RIT1: variants seen among roughly 807,000 people sequenced by gnomAD.
The protein encoded by RIT1 is Ras like without CAAX 1.
In RIT1, 6 loss-of-function variants were observed where a neutral mutation model predicts 25.6. The observed-to-expected ratio is 0.23, with a 90% CI of 0.13 to 0.46. RIT1 has a LOEUF of 0.46. Among genes scored for constraint, RIT1 ranks in the 20% least tolerant of loss-of-function variants. RIT1 has a pLI of 0.99. For synonymous variants in RIT1, 81 were observed against 94.1 expected, an observed-to-expected ratio of 0.86 and a Z score of 0.80; for missense variants, 219 against 284.4, an observed-to-expected ratio of 0.77 and a Z score of 1.65.
chr1:155,899,171 A>C lies in RIT1; in HGVS notation c.*1217T>G. The C allele has an allele frequency of 4.8e-6, 1 of 207,092 alleles. No homozygotes were observed. The highest frequency in any genetic ancestry group is 9.9e-6 in the Non-Finnish European group (1 of 101,210). 12.8% of individuals were successfully genotyped at this position (207,092 alleles called of 1,614,324 possible). On this transcript the variant is annotated 3_prime_UTR_variant, in exon 6 of 6. Coordinates refer to ENST00000368323, the MANE Select transcript of RIT1 (RefSeq NM_006912.6). The stretch of plus-strand genomic sequence containing the variant: ...CTCCTAGGACTACAGTTCCTAAACT[A>C]TGCACAGGGAGCAAAGTGGTATTCC...
intron 5 of RIT1, among the ~76,000 whole-genome samples, chr1:155,903,182 G>C (rs1336410356): frequency 1.3e-5 from 2 of 152,110 alleles, no homozygotes; most frequent in African/African-American, 2.4e-5. Context: ...TGTAGTCCCA[G>C]CTACTCGGGA....
intron 5 of RIT1, 83 bp downstream of exon 5, chr1:155,904,228 G>A (rs1028461405): frequency 6.8e-5 from 76 of 1,125,568 alleles, no homozygotes; most frequent in Non-Finnish European, 1.4e-5. Flanking sequence ...AAATCTGTAA[G>A]CCAAGCCAAG....
Position 155,910,766 on chromosome 1 carries a change from C to T in RIT1, c.-5G>A, listed in dbSNP as rs760706554. The T allele has an allele frequency of 6.2e-7, 1 of 1,614,230 alleles. No homozygotes were observed. Among genetic ancestry groups the T allele is most frequent in the Non-Finnish European group, 8.5e-7 (1 of 1,180,034 alleles). On this transcript the variant is annotated 5_prime_UTR_variant, in exon 2 of 6. Transcript: ENST00000368323. ...TGGGCGAGTTCCAGAATCCATTGTC[C>T]TCTTGGGGCCTTCCTCGGTTGCCCC...
chr1:155,906,837 C>T (rs189668119), intron 3 of RIT1, among the ~76,000 whole-genome samples: 76 of 150,796 alleles, frequency 5.0e-4, no homozygotes, highest in Middle Eastern at 3.6e-3. Flanking sequence ...GGTACAGTGG[C>T]TCTCACGCCT....
At chr1:155,903,452 C>CAAAAAAAAAAAAAAAAAAAAAAAAAAA (rs1192641376) in intron 5 of RIT1, among the ~76,000 whole-genome samples, 1 of 53,728 alleles carries the variant, frequency 1.9e-5, no homozygotes, top group Non-Finnish European at 3.5e-5. Context: ...GACTCTGTCT[C>CAAAAAAAAAAAAAAAAAAAAAAAAAAA]AAAAAAAAAA....
chr1:155,910,564 T>G (rs1673572815), intron 2 of RIT1, 58 bp from the exon 3 acceptor site: 1 of 1,609,130 alleles, frequency 6.2e-7, no homozygotes. Flanking sequence ...GAGAGAATTT[T>G]AAGTATTAAC....
At chr1:155,909,724 C>A (rs891018677) in intron 3 of RIT1, among the ~76,000 whole-genome samples, 1 of 151,894 alleles carries the variant, frequency 6.6e-6, no homozygotes, top group South Asian at 2.1e-4. Flanking sequence ...GAGTTTGAGA[C>A]CAGCCTGGCC....
At chr1:155,910,626 G>C (rs758527352) in intron 2 of RIT1, 30 bp downstream of exon 2, 1 of 1,611,278 alleles carries the variant, frequency 6.2e-7, no homozygotes, top group Non-Finnish European at 8.5e-7. Context: ...TTTCATCCAT[G>C]CTTCCTGTCA....
At chr1:155,904,663 T>C in intron 4 of RIT1, 68 bp downstream of exon 4, 1 of 1,288,856 alleles carries the variant, frequency 7.8e-7, no homozygotes, top group Non-Finnish European at 1.1e-6. Context: ...ATCTTCTCTG[T>C]GTAGGCCTTC....
At position 155,900,602 on chromosome 1, in the gene RIT1, CCTT is replaced by C. The variant is rs1313315373; in HGVS notation, c.443_445del (p.Glu148del). 1 of 1,613,900 alleles carries C rather than the reference CCTT, an allele frequency of 6.2e-7. No homozygotes were observed. The highest frequency in any genetic ancestry group is 8.5e-7 in the Non-Finnish European group (1 of 1,179,948). On this transcript the variant is annotated inframe_deletion, in exon 6 of 6. Coordinates refer to ENST00000368323, the MANE Select transcript of RIT1 (RefSeq NM_006912.6). ...GCTGAATTCTCGGGCCAAGGCCAAT[CCTT>C]CTTCCTTGGTGACCTTTAAGGGCAA... is the stretch of plus-strand genomic sequence containing the variant.
chr1:155,910,848 A>T (rs1219962270), intron 1 of RIT1, 44 bp from the exon 2 acceptor site: 1 of 1,604,714 alleles, frequency 6.2e-7, no homozygotes, highest in Admixed American at 1.7e-5. Flanking sequence ...TGGAGACACC[A>T]CGGCGACAGC....
chr1:155,901,713 G>C (rs1673316022), intron 5 of RIT1, among the ~76,000 whole-genome samples: 1 of 152,058 alleles, frequency 6.6e-6, no homozygotes, highest in Non-Finnish European at 1.5e-5. Flanking sequence ...AGCTACTCAG[G>C]AGGCTAAGGT....
At position 155,898,514 on chromosome 1, in the gene RIT1, AAAAAATAT is replaced by A. The variant is rs1488640394; in HGVS notation, c.*1866_*1873del. 15 of 99,098 alleles carry A rather than the reference AAAAAATAT, an allele frequency of 1.5e-4. No individual in the cohort carries two copies. The highest frequency in any genetic ancestry group is 2.4e-4 in the African/African-American group (6 of 25,254). The allele number at this position is 99,098 out of a possible 1,614,324, so 6.1% of individuals were successfully genotyped here. ...ATTTAAAAAAAAAAAAAAAAAAAAA[AAAAAATAT>A]ATATATATATATATATATATATCTC... On this transcript the variant is annotated 3_prime_UTR_variant, in exon 6 of 6. Coordinates refer to ENST00000368323, the MANE Select transcript of RIT1 (RefSeq NM_006912.6).
rs1453137100 is a variant in RIT1, at chr1:155,910,893, C to T, written c.-43-89G>A. 3.8e-6 allele frequency: 6 copies of T among 1,567,398 alleles called. No individual in the cohort carries two copies. The African/African-American group carries it at 8.2e-5, about 21-fold the overall frequency. ...AGTGCCTTACCTTTCCATACATATT[C>T]TGGCCTGTCCCTCTTACTCTGGCCT... On this transcript the variant is annotated intron_variant, in intron 1 of 5. Coordinates refer to ENST00000368323, the MANE Select transcript of RIT1 (RefSeq NM_006912.6).
In RIT1 at chr1:155,900,442, A is replaced by G. The variant is rs914833765; in HGVS notation, c.606T>C (p.Ser202=). The G allele has an allele frequency of 1.2e-6, 2 of 1,613,926 alleles. No individual in the cohort carries two copies. The highest frequency in any genetic ancestry group is 2.7e-5 in the African/African-American group (2 of 74,880). ...ATGGTGATTTTAGCCTCTTCCATAC[A>G]CTGTTTTTGGGCTTAGATTTTTTCT... ...AMEKKSKPKN[S]VWKRLKSPFR... is the part of the protein sequence containing the mutation. Residue 202 remains serine, a synonymous_variant, in exon 6 of 6, where the codon AGT becomes AGC. Coordinates refer to ENST00000368323, the MANE Select transcript of RIT1 (RefSeq NM_006912.6).
Position 155,898,510 on chromosome 1 carries a change from A to T in RIT1, c.*1878T>A, listed in dbSNP as rs1471446244. On this transcript the variant is annotated 3_prime_UTR_variant, in exon 6 of 6. Coordinates refer to ENST00000368323, the MANE Select transcript of RIT1 (RefSeq NM_006912.6). Reference sequence around the variant, plus strand: ...CTCTATTTAAAAAAAAAAAAAAAAAAAAAAAAAAATATATATATATATATA... The same window carrying T: ...CTCTATTTAAAAAAAAAAAAAAAAATAAAAAAAAATATATATATATATATA... The T allele has an allele frequency of 2.3e-4, 26 of 112,056 alleles. No homozygotes were observed. Among genetic ancestry groups the T allele is most frequent in the African/African-American group, 6.3e-4 (18 of 28,674 alleles). The allele number at this position is 112,056 out of a possible 1,614,324, so 6.9% of individuals were successfully genotyped here. A position where few individuals can be genotyped will look rare whatever the true frequency, so the allele number is the denominator to read the frequency against.
At chr1:155,908,692 A>G (rs1459959524) in intron 3 of RIT1, among the ~76,000 whole-genome samples, 3 of 150,870 alleles carry the variant, frequency 2.0e-5, no homozygotes, top group African/African-American at 7.3e-5. Context: ...CCCCCGCAGT[A>G]GCTGGGATTA....
chr1:155,899,455 A>C lies in RIT1; in HGVS notation c.*933T>G, dbSNP rs1673262861. The C allele has an allele frequency of 4.4e-6, 1 of 225,524 alleles. No individual in the cohort carries two copies. Among genetic ancestry groups the C allele is most frequent in the Non-Finnish European group, 8.8e-6 (1 of 113,014 alleles). 14.0% of individuals were successfully genotyped at this position (225,524 alleles called of 1,614,324 possible). A position where few individuals can be genotyped will look rare whatever the true frequency, so the allele number is the denominator to read the frequency against. ...GCAATCAGTGATGAAGGGCCGAAAA[A>C]ACATCTTGCCAGCTGTAGCTCTTTT... On this transcript the variant is annotated 3_prime_UTR_variant, in exon 6 of 6. Coordinates refer to ENST00000368323, the MANE Select transcript of RIT1 (RefSeq NM_006912.6).
At chr1:155,902,620 T>C (rs1020788511) in intron 5 of RIT1, among the ~76,000 whole-genome samples, 7 of 151,472 alleles carry the variant, frequency 4.6e-5, no homozygotes, top group African/African-American at 1.7e-4. Flanking sequence ...GGTAGGTGGA[T>C]CACCTGATGT....
Sources: gnomAD v4.1 joint callset for allele counts (sites outside exome capture counted in the v4.1 genomes callset) on GRCh38, gnomAD v4.1.1 for gene constraint, MANE v1.5 for transcripts, NCBI Gene and HGNC (gene_info 2026-07-23, HGNC 2026-07-21) for gene names.